The following MLLT1 variants were observed in gnomAD, a reference collection of about 807,000 sequenced individuals.
MLLT1 encodes the protein protein ENL.
In MLLT1, 11 loss-of-function variants were observed where a neutral mutation model predicts 55.1. The ratio of observed to expected loss-of-function variants is 0.20; its 90% CI spans 0.13 to 0.33. The LOEUF is 0.33. Ranked by LOEUF, MLLT1 falls within the 10% of genes least tolerant of loss-of-function variation. The probability of loss-of-function intolerance (pLI) is 1.00; values close to 1 mark genes in which losing one functional copy is unlikely to be tolerated. For synonymous variants in MLLT1, 323 were observed against 320.1 expected, an observed-to-expected ratio of 1.01 and a Z score of -0.10; for missense variants, 536 against 760.6, an observed-to-expected ratio of 0.70 and a Z score of 3.47.
At chr19:6,251,345 T>C (rs1356866891) in intron 3 of MLLT1, among the ~76,000 whole-genome samples, 3 of 152,206 alleles carry the variant, frequency 2.0e-5, no homozygotes, top group Non-Finnish European at 4.4e-5. Flanking sequence ...TATTTGGACA[T>C]ACAACGGCTA....
rs910667244 is a variant in MLLT1, at chr19:6,226,649, C to T, written c.546+328G>A. 6.6e-6 allele frequency among the ~76,000 whole-genome samples: 1 copy of T among 152,130 alleles called. No homozygotes were observed. Among genetic ancestry groups the T allele is most frequent in the Non-Finnish European group, 1.5e-5 (1 of 68,026 alleles). The stretch of plus-strand genomic sequence containing the variant: ...AGACAGAGACACTCTACCCAGCGGC[C>T]GCCCCAACAGCCTTCGGCGAAGGTC... On this transcript the variant is annotated intron_variant, in intron 5 of 11. Coordinates refer to ENST00000252674, the MANE Select transcript of MLLT1 (RefSeq NM_005934.4). The surrounding 1 kb of genome is among the most constrained non-coding windows in gnomAD (Gnocchi z 6.3).
intron 1 of MLLT1, among the ~76,000 whole-genome samples, chr19:6,277,538 C>T (rs1010944117): frequency 6.6e-5 from 10 of 152,116 alleles, no homozygotes; most frequent in African/African-American, 1.2e-4. Context: ...ACTGTGGTAC[C>T]GGGCAGTGCA....
At chr19:6,258,565 T>C (rs1018038212) in intron 3 of MLLT1, among the ~76,000 whole-genome samples, 18 of 152,346 alleles carry the variant, frequency 1.2e-4, no homozygotes, top group Non-Finnish European at 1.5e-4. Flanking sequence ...AGGAGTGATT[T>C]TTCTGTAAAA....
intron 6 of MLLT1, among the ~76,000 whole-genome samples, 155 bp from the exon 7 acceptor site, chr19:6,218,196 C>T (rs983630401): frequency 5.9e-5 from 9 of 152,226 alleles, no homozygotes; most frequent in African/African-American, 2.2e-4. Context: ...CCGCTGAGAA[C>T]CCACTAAGGA....
rs201795622 is a variant in MLLT1, at chr19:6,236,839, G to C, written c.277-6126C>G. Among the ~76,000 whole-genome samples, 8 of 152,340 alleles carry C rather than the reference G, an allele frequency of 5.3e-5. No individual in the cohort carries two copies. The East Asian group carries it at 1.5e-3, about 29-fold the overall frequency. Reference sequence around the variant, plus strand: ...GCAATGGCAAAGTCAAAGGTGGCTGGCCAACCAGCCCAGGTGGGACACCCT... The same window carrying C: ...GCAATGGCAAAGTCAAAGGTGGCTGCCCAACCAGCCCAGGTGGGACACCCT... On this transcript the variant is annotated intron_variant, in intron 3 of 11. Coordinates refer to ENST00000252674, the MANE Select transcript of MLLT1 (RefSeq NM_005934.4).
intron 1 of MLLT1, among the ~76,000 whole-genome samples, chr19:6,276,868 A>G (rs1355280540): frequency 1.3e-5 from 2 of 152,222 alleles, no homozygotes; most frequent in Non-Finnish European, 2.9e-5. Flanking sequence ...CCATAAGGAA[A>G]AGATGTCAAT....
intron 2 of MLLT1, among the ~76,000 whole-genome samples, chr19:6,269,678 G>A (rs375713502): frequency 7.9e-5 from 12 of 152,262 alleles, no homozygotes; most frequent in East Asian, 7.8e-4. Context: ...GCACACCCAC[G>A]CTTGTGCACG....
intron 3 of MLLT1, among the ~76,000 whole-genome samples, chr19:6,247,947 G>A (rs1398930384): frequency 6.6e-6 from 1 of 152,176 alleles, no homozygotes; most frequent in Non-Finnish European, 1.5e-5. Context: ...CTGGAGTGCA[G>A]TGGTGTGATC....
At chr19:6,269,773 C>A (rs1020776111) in intron 2 of MLLT1, among the ~76,000 whole-genome samples, 1 of 152,254 alleles carries the variant, frequency 6.6e-6, no homozygotes, top group Admixed American at 6.5e-5. Context: ...GCTCTTCCCA[C>A]CCTGAAGTGC....
intron 3 of MLLT1, among the ~76,000 whole-genome samples, chr19:6,255,521 T>C (rs779986892): frequency 1.3e-5 from 2 of 152,068 alleles, no homozygotes; most frequent in Non-Finnish European, 2.9e-5. Flanking sequence ...AACCTAGGAA[T>C]AAATTTAAGC....
In MLLT1 at chr19:6,222,141, C is replaced by T. The variant is rs2090904722; in HGVS notation, c.1090G>A (p.Glu364Lys). The part of the protein sequence containing the change: ...LEVEESNSED[E>K]ASFKSESAQS... ...CTCACCTCGGACTTGAAGGAGGCCT[C>T]GTCCTCTGAGTTGGACTCCTCCACC... is the stretch of plus-strand genomic sequence containing the variant. Residue 364 changes from glutamate to lysine, a missense_variant, in exon 6 of 12, where the codon GAG (glutamate) becomes AAG (lysine). Glu to Lys is a moderately conservative substitution (Grantham distance 56). Transcript: ENST00000252674. The surrounding 1 kb of genome is among the most constrained non-coding windows in gnomAD (Gnocchi z 4.1). 2 of 1,532,588 alleles carry T rather than the reference C, an allele frequency of 1.3e-6. No individual in the cohort carries two copies. The highest frequency in any genetic ancestry group is 1.8e-6 in the Non-Finnish European group (2 of 1,137,980). The allele number at this position is 1,532,588 out of a possible 1,614,324, so 94.9% of individuals were successfully genotyped here.
At chr19:6,278,806 G>A (rs2091441503) in intron 1 of MLLT1, among the ~76,000 whole-genome samples, 1 of 152,180 alleles carries the variant, frequency 6.6e-6, no homozygotes, top group African/African-American at 2.4e-5. Context: ...AGAGCAGAGG[G>A]TCTGAAGGTG....
chr19:6,239,704 G>A (rs545872071), intron 3 of MLLT1, among the ~76,000 whole-genome samples: 12 of 151,076 alleles, frequency 7.9e-5, no homozygotes, highest in Admixed American at 7.2e-4. Context: ...AAACACACCC[G>A]TGTACACACA....
At position 6,240,479 on chromosome 19, in the gene MLLT1, T is replaced by G. The variant is rs2091104133; in HGVS notation, c.277-9766A>C. Among the ~76,000 whole-genome samples, 1 of 152,230 alleles carries G rather than the reference T, an allele frequency of 6.6e-6. No homozygotes were observed. Among genetic ancestry groups the G allele is most frequent in the Non-Finnish European group, 1.5e-5 (1 of 68,040 alleles). ...CGGCGCAGGTGACGTTGCCCATCTG[T>G]GCTCAGCGTCCTCACCTGTGAAGTG... On this transcript the variant is annotated intron_variant, in intron 3 of 11. Coordinates refer to ENST00000252674, the MANE Select transcript of MLLT1 (RefSeq NM_005934.4). The surrounding 1 kb of genome is among the most constrained non-coding windows in gnomAD (Gnocchi z 4.7).
Position 6,262,219 on chromosome 19 carries a change from G to C in MLLT1, c.276+9C>G, listed in dbSNP as rs765566757. ...GAGGCATCCTGCTTGCTCCCCTCAG[G>C]GATCCTACCTTGTTTTTGAAGTGCA... On this transcript the variant is annotated intron_variant, in intron 3 of 11. Coordinates refer to ENST00000252674, the MANE Select transcript of MLLT1 (RefSeq NM_005934.4). This position sits in a 1 kb window ranked among gnomAD's most constrained non-coding sequence, Gnocchi z 4.4. The C allele has an allele frequency of 1.9e-6, 3 of 1,612,692 alleles. No individual in the cohort carries two copies. The highest frequency in any genetic ancestry group is 2.5e-6 in the Non-Finnish European group (3 of 1,178,968).
intron 3 of MLLT1, among the ~76,000 whole-genome samples, chr19:6,257,409 A>C (rs1306234056): frequency 1.3e-5 from 2 of 151,850 alleles, no homozygotes; most frequent in Non-Finnish European, 1.5e-5. Context: ...AAAAAAAAAA[A>C]AACACCTAAA....
rs1456306254 is a variant in MLLT1, at chr19:6,226,160, C to G, written c.546+817G>C. On this transcript the variant is annotated intron_variant, in intron 5 of 11. Coordinates refer to ENST00000252674, the MANE Select transcript of MLLT1 (RefSeq NM_005934.4). This position sits in a 1 kb window ranked among gnomAD's most constrained non-coding sequence, Gnocchi z 6.3. ...GGATGGCTGGGCCCACACGCAGGGC[C>G]TGGCAGACAAGTGAGGTGAGGAGAA... Among the ~76,000 whole-genome samples, 1 of 152,212 alleles carries G rather than the reference C, an allele frequency of 6.6e-6. No homozygotes were observed. The highest frequency in any genetic ancestry group is 1.5e-5 in the Non-Finnish European group (1 of 68,032).
In MLLT1 at chr19:6,256,699, A is replaced by G. The variant is rs971326316; in HGVS notation, c.276+5529T>C. ...AACCCGGGAGGCGGAGCTTGCAGTGAGCCGAGATGGCGCCACTGCACTCTA... is the reference window on the plus strand; with the variant it reads ...AACCCGGGAGGCGGAGCTTGCAGTGGGCCGAGATGGCGCCACTGCACTCTA... On this transcript the variant is annotated intron_variant, in intron 3 of 11. Transcript: ENST00000252674. The surrounding 1 kb of genome is among the most constrained non-coding windows in gnomAD (Gnocchi z 4.1). Among the ~76,000 whole-genome samples, 1 of 152,156 alleles carries G rather than the reference A, an allele frequency of 6.6e-6. No individual in the cohort carries two copies. Among genetic ancestry groups the G allele is most frequent in the Non-Finnish European group, 1.5e-5 (1 of 68,030 alleles).
At chr19:6,275,908 C>T (rs528124755) in intron 1 of MLLT1, among the ~76,000 whole-genome samples, 46 of 152,272 alleles carry the variant, frequency 3.0e-4, no homozygotes, top group African/African-American at 9.1e-4. Flanking sequence ...GGCCCACAGA[C>T]GTGTAGACAG....
Sources: allele counts gnomAD v4.1 joint callset (sites outside exome capture counted in the v4.1 genomes callset), GRCh38; gene constraint gnomAD v4.1.1; non-coding constraint Gnocchi (gnomAD v3.1); transcripts MANE v1.5; gene names NCBI Gene and HGNC (gene_info 2026-07-23, HGNC 2026-07-21).